Variants in ADARB2 observed in about 807,000 individuals in gnomAD.
The protein encoded by ADARB2 is adenosine deaminase RNA specific B2 (inactive).
In ADARB2, 25 loss-of-function variants were observed where a neutral mutation model predicts 62.2. The ratio of observed to expected loss-of-function variants is 0.40; its 90% confidence interval spans 0.29 to 0.56. ADARB2 has a LOEUF of 0.56. Ranked by LOEUF, ADARB2 falls within the 20% of genes least tolerant of loss-of-function variation. The pLI, the probability that ADARB2 is intolerant of heterozygous loss-of-function variation, is 0.43. For missense variants in ADARB2, 1,071 were observed against 1,077.4 expected (o/e 0.99, Z 0.08); for synonymous variants, 572 against 500.8 (o/e 1.14, Z -1.90).
chr10:1,183,450 T>C, intron 9 of ADARB2, 81 bp from the exon 10 acceptor site: 1 of 1,532,080 alleles, frequency 6.5e-7, no homozygotes, highest in Non-Finnish European at 8.9e-7. Flanking sequence ...ATGCCAGGCA[T>C]CAGCTCCTGG....
chr10:1,526,821 C>T, intron 1 of ADARB2: 1 of 519,032 alleles, frequency 1.9e-6, no homozygotes. Flanking sequence ...GACTCACGCA[C>T]TTGGTGCGTG....
chr10:1,505,845 A>G (rs1292988585), intron 1 of ADARB2, among the ~76,000 whole-genome samples: 1 of 152,206 alleles, frequency 6.6e-6, no homozygotes, highest in Non-Finnish European at 1.5e-5. Flanking sequence ...CCAAGCCAGA[A>G]GCTCCATCGT....
intron 1 of ADARB2, among the ~76,000 whole-genome samples, chr10:1,385,777 T>G (rs1173424639): frequency 2.6e-5 from 4 of 152,144 alleles, no homozygotes; most frequent in Non-Finnish European, 4.4e-5. Context: ...AAATCACAGA[T>G]CCAAGTATCT....
chr10:1,326,821 C>T lies in ADARB2; in HGVS notation c.1077+36207G>A, dbSNP rs1264552246. The stretch of plus-strand genomic sequence containing the variant: ...CTCCCCACGGCCCAGCGCCTCCCCA[C>T]GGCCCAGCGCCTCCCCACGGCCCAG... On this transcript the variant is annotated intron_variant, in intron 3 of 9. Transcript: ENST00000381312. Among the ~76,000 whole-genome samples, 7 of 124,600 alleles carry T rather than the reference C, an allele frequency of 5.6e-5. No individual in the cohort carries two copies. The East Asian group carries it at 1.1e-3, about 19-fold the overall frequency. 81.7% of individuals were successfully genotyped at this position (124,600 alleles called of 152,430 possible). A position where few individuals can be genotyped will look rare whatever the true frequency, so the allele number is the denominator to read the frequency against.
At position 1,524,914 on chromosome 10, in the gene ADARB2, C is replaced by T. The variant is rs1302443354; in HGVS notation, c.101-145754G>A. ...CAGAAAATAGTCAGGATAGTCCAAT[C>T]TATGTCTGAGCCTCCAGATTTAAAG... On this transcript the variant is annotated intron_variant, in intron 1 of 9. Transcript: ENST00000381312. Among the ~76,000 whole-genome samples the T allele has an allele frequency of 3.9e-5, 6 of 152,192 alleles. No homozygotes were observed. The East Asian group carries it at 1.2e-3, about 29-fold the overall frequency.
intron 2 of ADARB2, among the ~76,000 whole-genome samples, chr10:1,375,751 C>A (rs550027859): frequency 1.4e-4 from 22 of 151,730 alleles, no homozygotes; most frequent in Non-Finnish European, 3.2e-4. Context: ...ATTCACACGC[C>A]ACACACATGC....
At chr10:1,204,596 G>A (rs999584132) in intron 7 of ADARB2, among the ~76,000 whole-genome samples, 1 of 152,228 alleles carries the variant, frequency 6.6e-6, no homozygotes, top group Admixed American at 6.5e-5. Context: ...TCGCGTGGAC[G>A]CTCCGCCCCT....
intron 3 of ADARB2, among the ~76,000 whole-genome samples, chr10:1,298,976 C>T (rs536640622): frequency 3.0e-4 from 45 of 151,748 alleles, no homozygotes; most frequent in African/African-American, 1.0e-3. Context: ...AACTTCTGGG[C>T]TCAAGTGATC....
chr10:1,328,513 T>C (rs1246561938), intron 3 of ADARB2, among the ~76,000 whole-genome samples: 2 of 152,210 alleles, frequency 1.3e-5, no homozygotes, highest in Non-Finnish European at 2.9e-5. Flanking sequence ...CTGTTTTTTT[T>C]TCTTGAACAG....
chr10:1,489,040 C>A (rs1047446330), intron 1 of ADARB2, among the ~76,000 whole-genome samples: 1 of 152,244 alleles, frequency 6.6e-6, no homozygotes, highest in African/African-American at 2.4e-5. Context: ...TGCCAGCAAG[C>A]GCGACTGCGC....
rs548779453 is a variant in ADARB2, at chr10:1,286,196, C to T, written c.1078-15127G>A. On this transcript the variant is annotated intron_variant, in intron 3 of 9. Coordinates refer to ENST00000381312, the MANE Select transcript of ADARB2 (RefSeq NM_018702.4). ...GGAGGTGGGACACACCTCGAAGCCCCCTCTCAAACAACACACCCCGTCTAG... is the reference window on the plus strand; with the variant it reads ...GGAGGTGGGACACACCTCGAAGCCCTCTCTCAAACAACACACCCCGTCTAG... Among the ~76,000 whole-genome samples, 9 of 152,252 alleles carry T rather than the reference C, an allele frequency of 5.9e-5. No individual in the cohort carries two copies. In the South Asian group the frequency reaches 1.9e-3, roughly 32 times the overall value.
At chr10:1,591,681 A>ACACG (rs1554774095) in intron 1 of ADARB2, among the ~76,000 whole-genome samples, 1 of 150,202 alleles carries the variant, frequency 6.7e-6, no homozygotes, top group Non-Finnish European at 1.5e-5. Context: ...ACACACACGC[A>ACACG]CACACTCACC....
chr10:1,557,927 A>AAAAACAAAAC (rs150093757), intron 1 of ADARB2, among the ~76,000 whole-genome samples: 30,202 of 149,638 alleles, frequency 0.2, 3,257 homozygotes, highest in Non-Finnish European at 0.23. Context: ...GACCCTATCT[A>AAAAACAAAAC]AAAACAAAAC....
At position 1,540,491 on chromosome 10, in the gene ADARB2, AGACCCTGG is replaced by A. The variant is rs1564322855; in HGVS notation, c.101-161339_101-161332del. On this transcript the variant is annotated intron_variant, in intron 1 of 9. Coordinates refer to ENST00000381312, the MANE Select transcript of ADARB2 (RefSeq NM_018702.4). The stretch of plus-strand genomic sequence containing the variant: ...CCCAGACCCCACTCAGACGTAGTTC[AGACCCTGG>A]ATCACAGCCGCCCAGACCCCACTCA... Among the ~76,000 whole-genome samples, 15 of 99,802 alleles carry A rather than the reference AGACCCTGG, an allele frequency of 1.5e-4. 2 individuals carry two copies. The highest frequency in any genetic ancestry group is 1.5e-4 in the African/African-American group (4 of 25,924). The allele number at this position is 99,802 out of a possible 152,430, so 65.5% of individuals were successfully genotyped here.
intron 3 of ADARB2, among the ~76,000 whole-genome samples, chr10:1,300,535 A>G (rs200980748): frequency 1.3e-5 from 2 of 152,064 alleles, no homozygotes; most frequent in South Asian, 2.1e-4. Flanking sequence ...TATCTTTCCT[A>G]TGTTACTCAT....
intron 1 of ADARB2, among the ~76,000 whole-genome samples, chr10:1,551,133 G>A (rs1832615464): frequency 6.6e-6 from 1 of 152,096 alleles, no homozygotes; most frequent in Non-Finnish European, 1.5e-5. Context: ...ATAAGAAGAG[G>A]AGATGAGGAC....
chr10:1,360,251 C>T (rs1029399884), intron 3 of ADARB2, among the ~76,000 whole-genome samples: 1 of 152,242 alleles, frequency 6.6e-6, no homozygotes, highest in Non-Finnish European at 1.5e-5. Context: ...GCCTTTCCCC[C>T]CAGCCCCAGA....
At chr10:1,665,043 G>A (rs1270187495) in intron 1 of ADARB2, among the ~76,000 whole-genome samples, 3 of 152,180 alleles carry the variant, frequency 2.0e-5, no homozygotes, top group Admixed American at 6.5e-5. Context: ...GGGCAAGGGG[G>A]AAGGAGCCCC....
At chr10:1,416,795 C>A (rs902882992) in intron 1 of ADARB2, among the ~76,000 whole-genome samples, 2 of 152,264 alleles carry the variant, frequency 1.3e-5, no homozygotes, top group African/African-American at 4.8e-5. Context: ...CAGTAAGTCA[C>A]GTGGTGAAAC....
Sources: gnomAD v4.1 joint callset for allele counts (sites outside exome capture counted in the v4.1 genomes callset) on GRCh38, gnomAD v4.1.1 for gene constraint, MANE v1.5 for transcripts, NCBI Gene and HGNC (gene_info 2026-07-23, HGNC 2026-07-21) for gene names.